Variants in NBPF11 observed in about 807,000 individuals in gnomAD.
The protein encoded by NBPF11 is NBPF member 11.
A neutral mutation model predicts 93.9 loss-of-function variants in NBPF11; 72 were observed. The observed-to-expected ratio is 0.77, with a 90% CI of 0.63 to 0.93. The LOEUF (loss-of-function observed/expected upper bound fraction) is 0.93, where lower values mean the gene tolerates loss of function less well. Ranked by LOEUF, NBPF11 falls within the 40% of genes least tolerant of loss-of-function variation. The pLI, the probability that NBPF11 is intolerant of heterozygous loss-of-function variation, is 0.00. For synonymous variants in NBPF11, 224 were observed against 304.9 expected, an observed-to-expected ratio of 0.73 and a Z score of 2.76; for missense variants, 705 against 802.2, an observed-to-expected ratio of 0.88 and a Z score of 1.46.
intron 1 of NBPF11, among the ~76,000 whole-genome samples, chr1:148,148,140 G>A (rs1647230987): frequency 6.6e-6 from 1 of 152,198 alleles, no homozygotes; most frequent in Admixed American, 6.5e-5. Flanking sequence ...GCAGAGCTGG[G>A]GCCACAGGCA....
intron 5 of NBPF11, 82 bp downstream of exon 5, chr1:148,126,747 A>G (rs1669214354): frequency 1.6e-6 from 2 of 1,247,388 alleles, no homozygotes; most frequent in African/African-American, 1.5e-5. Flanking sequence ...GAAGTACAGG[A>G]AGGATGAAAT....
At chr1:148,132,212 TATACACAC>T (rs1260744098) in intron 4 of NBPF11, among the ~76,000 whole-genome samples, 1 of 86,000 alleles carries the variant, frequency 1.2e-5, no homozygotes, top group South Asian at 3.2e-4. Flanking sequence ...TATATATATA[TATACACAC>T]ACACACACAC....
At chr1:148,147,879 A>G (rs1303868691) in intron 1 of NBPF11, among the ~76,000 whole-genome samples, 2 of 151,902 alleles carry the variant, frequency 1.3e-5, no homozygotes, top group African/African-American at 4.8e-5. Flanking sequence ...CACACCTGCC[A>G]TGGCCAGCTC....
intron 2 of NBPF11, among the ~76,000 whole-genome samples, chr1:148,140,955 A>G (rs1255791691): frequency 1.3e-5 from 2 of 152,060 alleles, no homozygotes; most frequent in South Asian, 2.1e-4. Flanking sequence ...TAGCCATACA[A>G]TGAAATCTGA....
intron 6 of NBPF11, among the ~76,000 whole-genome samples, 171 bp from the exon 7 acceptor site, chr1:148,124,238 A>G (rs1417683365): frequency 7.4e-4 from 113 of 152,034 alleles, no homozygotes; most frequent in African/African-American, 2.6e-3. Flanking sequence ...AATGGTCTAC[A>G]GGCTTTCCCT....
chr1:148,119,323 A>C (rs1156661936), intron 10 of NBPF11, among the ~76,000 whole-genome samples: 1 of 152,046 alleles, frequency 6.6e-6, no homozygotes, highest in Admixed American at 6.5e-5. Context: ...GAAACAGCAG[A>C]ATGAAGAACT....
chr1:148,142,085 G>A (rs1309622330), intron 2 of NBPF11, among the ~76,000 whole-genome samples: 18 of 147,912 alleles, frequency 1.2e-4, no homozygotes, highest in Middle Eastern at 3.2e-3. Flanking sequence ...AGGAAGGGAG[G>A]GAAGGCAGAA....
At chr1:148,142,577 C>T (rs1279331163) in intron 2 of NBPF11, among the ~76,000 whole-genome samples, 1 of 152,056 alleles carries the variant, frequency 6.6e-6, no homozygotes, top group Non-Finnish European at 1.5e-5. Flanking sequence ...CTTGCACTGG[C>T]TCCCACTCCC....
chr1:148,122,715 G>A lies in NBPF11; in HGVS notation c.566+14C>T, dbSNP rs1261127253. 2 of 1,608,852 alleles carry A rather than the reference G, an allele frequency of 1.2e-6. No individual in the cohort carries two copies. Among genetic ancestry groups the A allele is most frequent in the Non-Finnish European group, 8.5e-7 (1 of 1,176,550 alleles). ...GTTACCACCCATTACTTGCTCCTGA[G>A]TATTCAATGTTACCTGGGGGCAGAT... On this transcript the variant is annotated intron_variant, in intron 8 of 23. Transcript: ENST00000682118.
At chr1:148,111,720 A>C (rs1665321331) in intron 15 of NBPF11, among the ~76,000 whole-genome samples, 3 of 151,762 alleles carry the variant, frequency 2.0e-5, no homozygotes, top group Admixed American at 6.6e-5. Context: ...AGTAAAAAGA[A>C]ATGAACAAGC....
At chr1:148,104,339 CTATGG>C (rs1663014230) in intron 23 of NBPF11, among the ~76,000 whole-genome samples, 193 bp downstream of exon 23, 1 of 146,362 alleles carries the variant, frequency 6.8e-6, no homozygotes, top group Non-Finnish European at 1.5e-5. Context: ...TATGGTCCAC[CTATGG>C]TACGTTAGTA....
intron 23 of NBPF11, 21 bp from the exon 24 acceptor site, chr1:148,103,933 A>G (rs1251014274): frequency 1.9e-6 from 3 of 1,610,676 alleles, no homozygotes; most frequent in Non-Finnish European, 2.5e-6. Context: ...AGACAAAACT[A>G]AAGAAGCAGC....
chr1:148,108,558 A>G lies in NBPF11; in HGVS notation c.1950T>C (p.Thr650=). 1 of 1,603,714 alleles carries G rather than the reference A, an allele frequency of 6.2e-7. No homozygotes were observed. The change falls in exon 18 of 24, where the codon ACT becomes ACC. Residue 650 remains threonine, a synonymous_variant. Coordinates refer to ENST00000682118, the MANE Select transcript of NBPF11 (RefSeq NM_001385469.3). ...YSTPSVYLGL[T]DSCQPYRSAF... ...CACTTCTGTAGGGCTGGCATGAGTC[A>G]GTCAGTCCAAGATAAACTGAAGGAG...
chr1:148,131,077 C>T (rs1455774573), intron 4 of NBPF11, among the ~76,000 whole-genome samples: 14 of 150,846 alleles, frequency 9.3e-5, no homozygotes, highest in South Asian at 2.1e-4. Context: ...AGCATCCATA[C>T]GTAGCAGGCC....
chr1:148,149,338 T>C, intron 1 of NBPF11: 2 of 1,597,028 alleles, frequency 1.3e-6, no homozygotes, highest in Non-Finnish European at 1.7e-6. Flanking sequence ...ACGCCTTCCC[T>C]AACATCGAGA....
At position 148,103,076 on chromosome 1, in the gene NBPF11, G is replaced by C. The variant is rs1662670645; in HGVS notation, c.*820C>G. 1 of 156,140 alleles carries C rather than the reference G, an allele frequency of 6.4e-6. No individual in the cohort carries two copies. The highest frequency in any genetic ancestry group is 1.4e-4 in the South Asian group (1 of 7,108). 9.7% of individuals were successfully genotyped at this position (156,140 alleles called of 1,614,324 possible). On this transcript the variant is annotated 3_prime_UTR_variant, in exon 24 of 24. Coordinates refer to ENST00000682118, the MANE Select transcript of NBPF11 (RefSeq NM_001385469.3). ...CCTCCCAATGCTGTTTGTCCATCTA[G>C]CTGTGGTCTTCCTAAGTACTGACAC...
chr1:148,123,076 T>G (rs1553271958), intron 7 of NBPF11, among the ~76,000 whole-genome samples: 1 of 152,034 alleles, frequency 6.6e-6, no homozygotes, highest in Non-Finnish European at 1.5e-5. Flanking sequence ...CTCTCTGGAC[T>G]TTGGCAGCTG....
At chr1:148,146,045 A>C (rs1429104191) in intron 1 of NBPF11, among the ~76,000 whole-genome samples, 1 of 152,096 alleles carries the variant, frequency 6.6e-6, no homozygotes, top group Non-Finnish European at 1.5e-5. Flanking sequence ...ATATCAATGA[A>C]AACTGGATAA....
intron 11 of NBPF11, among the ~76,000 whole-genome samples, chr1:148,118,259 C>T (rs1314001505): frequency 1.8e-4 from 27 of 151,644 alleles, no homozygotes; most frequent in Non-Finnish European, 2.9e-4. Flanking sequence ...AATGAGAAGC[C>T]GCAGTCAGTC....
Sources: allele counts gnomAD v4.1 joint callset (sites outside exome capture counted in the v4.1 genomes callset), GRCh38; gene constraint gnomAD v4.1.1; transcripts MANE v1.5; gene names NCBI Gene and HGNC (gene_info 2026-07-23, HGNC 2026-07-21).